DNM3: variants seen among roughly 807,000 people sequenced by gnomAD.
DNM3 encodes dynamin-3.
A neutral mutation model predicts 101.6 loss-of-function variants in DNM3; 47 were observed. The observed-to-expected ratio is 0.46, with a 90% CI of 0.37 to 0.59. DNM3 has a LOEUF of 0.59. DNM3 is among the 20% of genes least tolerant of loss of function. The pLI, the probability that DNM3 is intolerant of heterozygous loss-of-function variation, is 0.00. For missense variants in DNM3, 849 were observed against 1,085.7 expected, an observed-to-expected ratio of 0.78 and a Z score of 3.06; for synonymous variants, 385 against 387.9, an observed-to-expected ratio of 0.99 and a Z score of 0.09.
intron 17 of DNM3, among the ~76,000 whole-genome samples, chr1:172,336,396 T>C (rs1004470402): frequency 6.6e-6 from 1 of 150,742 alleles, no homozygotes; most frequent in Non-Finnish European, 1.5e-5. Context: ...TCTTTATGCA[T>C]AATTTCTCAT....
chr1:172,392,189 G>A, intron 20 of DNM3, among the ~76,000 whole-genome samples: 1 of 152,154 alleles, frequency 6.6e-6, no homozygotes. Flanking sequence ...TAGGGAGCTG[G>A]AAATATTGCA....
rs539360213 is a variant in DNM3, at chr1:172,307,225, A to T, written c.1770-1503A>T. ...CCCCATCAAAAAGTGGGCAAAGCAT[A>T]TGAACAGATACTTCTCAAAAGAAAA... On this transcript the variant is annotated intron_variant, in intron 15 of 20. Coordinates refer to ENST00000627582, the MANE Select transcript of DNM3 (RefSeq NM_015569.5). Among the ~76,000 whole-genome samples, 3 of 152,370 alleles carry T rather than the reference A, an allele frequency of 2.0e-5. No individual in the cohort carries two copies. The South Asian group carries it at 6.2e-4, about 32-fold the overall frequency.
chr1:172,133,887 T>C (rs1369389258), intron 14 of DNM3, among the ~76,000 whole-genome samples: 2 of 152,116 alleles, frequency 1.3e-5, no homozygotes, highest in Non-Finnish European at 2.9e-5. Flanking sequence ...GAGGTACCAG[T>C]AGATGGGGGC....
At chr1:172,062,894 T>G (rs2051355139) in intron 10 of DNM3, among the ~76,000 whole-genome samples, 1 of 152,254 alleles carries the variant, frequency 6.6e-6, no homozygotes. Flanking sequence ...ATGACTGCCT[T>G]CTCATATCCT....
chr1:171,868,270 C>T (rs2034950904), intron 1 of DNM3, among the ~76,000 whole-genome samples: 1 of 151,948 alleles, frequency 6.6e-6, no homozygotes, highest in Non-Finnish European at 1.5e-5. Flanking sequence ...TTGGGAATTC[C>T]TTGGTCAAGC....
intron 20 of DNM3, among the ~76,000 whole-genome samples, chr1:172,417,862 A>G (rs1218608072): frequency 6.6e-6 from 1 of 152,176 alleles, no homozygotes; most frequent in Non-Finnish European, 1.5e-5. Flanking sequence ...AGATTTCACA[A>G]CATTCATTGA....
chr1:172,103,264 CAT>C (rs2054782331), intron 13 of DNM3, among the ~76,000 whole-genome samples: 1 of 152,112 alleles, frequency 6.6e-6, no homozygotes, highest in East Asian at 1.9e-4. Flanking sequence ...AAATATTGTA[CAT>C]GTTTTGTTCT....
intron 1 of DNM3, among the ~76,000 whole-genome samples, chr1:171,879,666 G>A (rs371610011): frequency 3.1e-4 from 47 of 152,184 alleles, no homozygotes; most frequent in African/African-American, 1.0e-3. Context: ...CGTGCCAGGG[G>A]CATTGCTTCC....
intron 4 of DNM3, among the ~76,000 whole-genome samples, chr1:172,024,600 C>A (rs947793003): frequency 5.3e-5 from 8 of 152,212 alleles, no homozygotes; most frequent in Non-Finnish European, 1.5e-5. Flanking sequence ...AACTGAGGTA[C>A]CTGGCTCGTC....
chr1:172,001,029 A>T (rs1318523554), intron 4 of DNM3, among the ~76,000 whole-genome samples: 2 of 152,044 alleles, frequency 1.3e-5, no homozygotes, highest in Admixed American at 1.3e-4. Context: ...AGGAAAAATG[A>T]GTGAGAAATG....
At chr1:172,281,118 TAGC>T (rs1353415012) in intron 15 of DNM3, among the ~76,000 whole-genome samples, 1 of 151,854 alleles carries the variant, frequency 6.6e-6, no homozygotes, top group East Asian at 1.9e-4. Flanking sequence ...GAGAGTGTGA[TAGC>T]AGAATTAAAT....
chr1:171,920,364 T>C (rs528933244), intron 1 of DNM3, among the ~76,000 whole-genome samples: 1 of 152,212 alleles, frequency 6.6e-6, no homozygotes, highest in Non-Finnish European at 1.5e-5. Flanking sequence ...GCCCACTGAA[T>C]TGTTGAGTAA....
intron 17 of DNM3, among the ~76,000 whole-genome samples, chr1:172,370,932 C>A (rs924371815): frequency 6.6e-6 from 1 of 151,876 alleles, no homozygotes; most frequent in African/African-American, 2.4e-5. Flanking sequence ...GTCTTTTGAC[C>A]AGCAAATCTA....
intron 16 of DNM3, among the ~76,000 whole-genome samples, chr1:172,322,118 G>A (rs780161937): frequency 3.3e-5 from 5 of 151,996 alleles, no homozygotes; most frequent in African/African-American, 4.8e-5. Flanking sequence ...CTAGAGTCAC[G>A]AATTGGCATT....
At chr1:171,929,059 A>G (rs1441376447) in intron 2 of DNM3, among the ~76,000 whole-genome samples, 2 of 152,076 alleles carry the variant, frequency 1.3e-5, no homozygotes, top group Non-Finnish European at 2.9e-5. Flanking sequence ...TCCAGGAAGG[A>G]AGAATGGGAT....
chr1:171,904,370 AGC>A (rs1179407731), intron 1 of DNM3, among the ~76,000 whole-genome samples: 5 of 152,226 alleles, frequency 3.3e-5, no homozygotes, highest in Non-Finnish European at 7.3e-5. Context: ...TTTGTTCTAC[AGC>A]ATTAAGAGAA....
intron 4 of DNM3, among the ~76,000 whole-genome samples, chr1:172,007,455 A>C (rs2046773609): frequency 6.6e-6 from 1 of 152,114 alleles, no homozygotes; most frequent in Non-Finnish European, 1.5e-5. Context: ...ATGTCTGTTC[A>C]AATCTTTTGC....
rs2068758544 is a variant in DNM3 at position 172,379,120 on chromosome 1, A to C, written c.1996A>C (p.Ile666Leu). The C allele has an allele frequency of 1.2e-6, 2 of 1,611,882 alleles. No individual in the cohort carries two copies. Among genetic ancestry groups the C allele is most frequent in the Non-Finnish European group, 1.7e-6 (2 of 1,178,826 alleles). ...CAACCTCGTAGACTCCTACATGTCCATTATCAACAAATGTATCCGAGATCT... is the reference window on the plus strand; with the variant it reads ...CAACCTCGTAGACTCCTACATGTCCCTTATCAACAAATGTATCCGAGATCT... ...IRNLVDSYMS[I>L]INKCIRDLIP... The change falls in exon 18 of 21, where the codon ATT becomes CTT. Residue 666 changes from isoleucine to leucine, a missense_variant. By Grantham distance (5) the Ile-to-Leu change is conservative. This residue lies in a region of DNM3 where 256 missense variants were observed against 311.7 expected (regional missense o/e 0.82). Coordinates refer to ENST00000627582, the MANE Select transcript of DNM3 (RefSeq NM_015569.5).
At chr1:172,009,039 T>A (rs1232864284) in intron 4 of DNM3, among the ~76,000 whole-genome samples, 1 of 138,590 alleles carries the variant, frequency 7.2e-6, no homozygotes, top group African/African-American at 2.7e-5. Flanking sequence ...ATACAATATA[T>A]ATTTATATAT....
Sources: gnomAD v4.1 joint callset for allele counts (sites outside exome capture counted in the v4.1 genomes callset) on GRCh38, gnomAD v4.1.1 for gene constraint, gnomAD v4.1.1 regional missense constraint, MANE v1.5 for transcripts, NCBI Gene and HGNC (gene_info 2026-07-23, HGNC 2026-07-21) for gene names.